RBM6: variants seen among roughly 807,000 people sequenced by gnomAD.
RBM6 encodes RNA binding motif protein 6, also known as RNA-binding protein 6.
RBM6 carries 23 observed loss-of-function variants against 140.4 expected under a neutral mutation model. The observed-to-expected ratio is 0.16, with a 90% CI of 0.12 to 0.23. RBM6 has a LOEUF of 0.23. RBM6 is among the 10% of genes least tolerant of loss of function. RBM6 has a pLI of 1.00. For missense variants in RBM6, 1,139 were observed against 1,386.7 expected, an observed-to-expected ratio of 0.82 and a Z score of 2.84; for synonymous variants, 439 against 475.6, an observed-to-expected ratio of 0.92 and a Z score of 1.00.
chr3:50,010,301 A>G (rs1275715024), intron 6 of RBM6, among the ~76,000 whole-genome samples: 1 of 152,164 alleles, frequency 6.6e-6, no homozygotes, highest in Admixed American at 6.6e-5. Flanking sequence ...AATCTTTGCA[A>G]ATGCTATTTC....
chr3:49,969,573 A>G (rs1330856342), intron 3 of RBM6, among the ~76,000 whole-genome samples: 1 of 148,796 alleles, frequency 6.7e-6, no homozygotes, highest in Non-Finnish European at 1.5e-5. Flanking sequence ...ATTTGTGTAT[A>G]TATGTGTGTG....
At chr3:50,010,914 A>AAAG (rs2086814481) in intron 6 of RBM6, among the ~76,000 whole-genome samples, 2 of 151,168 alleles carry the variant, frequency 1.3e-5, no homozygotes, top group Admixed American at 6.6e-5. Context: ...AAAAAAAAAA[A>AAAG]AAAAAAAAAA....
At chr3:50,040,786 A>G (rs1236337647) in intron 6 of RBM6, among the ~76,000 whole-genome samples, 2 of 151,740 alleles carry the variant, frequency 1.3e-5, no homozygotes, top group Non-Finnish European at 2.9e-5. Context: ...CCCCTGGAGT[A>G]GTTAGGATAA....
chr3:50,063,039 A>G (rs2090000130), intron 15 of RBM6, among the ~76,000 whole-genome samples: 1 of 151,858 alleles, frequency 6.6e-6, no homozygotes, highest in Non-Finnish European at 1.5e-5. Flanking sequence ...GACTACAGGC[A>G]TGAGCCACCA....
At chr3:50,048,140 TA>T in intron 6 of RBM6, 104 bp from the exon 7 acceptor site, 2 of 1,506,994 alleles carry the variant, frequency 1.3e-6, no homozygotes, top group Non-Finnish European at 1.8e-6. Flanking sequence ...GCTCACTCTT[TA>T]TAAAATGTTT....
chr3:50,001,382 A>G (rs1451991198), intron 6 of RBM6, among the ~76,000 whole-genome samples: 2 of 152,138 alleles, frequency 1.3e-5, no homozygotes, highest in Admixed American at 6.6e-5. Context: ...TTGAGTCTGG[A>G]TTGAGACTGC....
intron 7 of RBM6, among the ~76,000 whole-genome samples, chr3:50,051,760 G>A (rs1389061894): frequency 6.6e-6 from 1 of 152,170 alleles, no homozygotes; most frequent in African/African-American, 2.4e-5. Flanking sequence ...TAACCAAAAT[G>A]TCCATTGGCT....
At chr3:49,962,022 G>A (rs546716135) in intron 1 of RBM6, among the ~76,000 whole-genome samples, 4 of 151,946 alleles carry the variant, frequency 2.6e-5, no homozygotes, top group Non-Finnish European at 4.4e-5. Flanking sequence ...CTGGGCGGCC[G>A]GCGTGCGCCT....
At chr3:49,954,650 ATTACTGTAGC>A (rs1177937593) in intron 1 of RBM6, among the ~76,000 whole-genome samples, 1 of 151,802 alleles carries the variant, frequency 6.6e-6, no homozygotes, top group Non-Finnish European at 1.5e-5. Context: ...CACTGTCTTG[ATTACTGTAGC>A]TTTGTGGTGA....
At chr3:50,028,338 A>T (rs1559604766) in intron 6 of RBM6, among the ~76,000 whole-genome samples, 1 of 152,118 alleles carries the variant, frequency 6.6e-6, no homozygotes, top group African/African-American at 2.4e-5. Context: ...CTTTGACTTG[A>T]TTCCTGCGTA....
intron 6 of RBM6, among the ~76,000 whole-genome samples, chr3:50,025,141 T>A (rs1408411998): frequency 1.3e-5 from 2 of 151,690 alleles, no homozygotes; most frequent in African/African-American, 4.8e-5. Flanking sequence ...TTGTTATTTC[T>A]CAGCCAGGCG....
intron 1 of RBM6, among the ~76,000 whole-genome samples, chr3:49,957,249 C>G (rs2084036481): frequency 6.6e-6 from 1 of 151,958 alleles, no homozygotes; most frequent in African/African-American, 2.4e-5. Context: ...GCTGGGATTA[C>G]AGATGTTAGC....
In RBM6 at chr3:50,061,017, G is replaced by A; in HGVS notation, c.2271+19G>A. On this transcript the variant is annotated intron_variant, in intron 12 of 20. Coordinates refer to ENST00000266022, the MANE Select transcript of RBM6 (RefSeq NM_005777.3). ...CTATCAGGTAGGCTGTAACAGGTGGGGAGTGCTCTATTAAAATCCTCAGGT... is the reference window on the plus strand; with the variant it reads ...CTATCAGGTAGGCTGTAACAGGTGGAGAGTGCTCTATTAAAATCCTCAGGT... 6.3e-7 allele frequency: 1 copy of A among 1,596,458 alleles called. No individual in the cohort carries two copies. Among genetic ancestry groups the A allele is most frequent in the South Asian group, 1.1e-5 (1 of 88,090 alleles).
chr3:49,945,715 T>C (rs1298524845), intron 1 of RBM6, among the ~76,000 whole-genome samples: 2 of 151,646 alleles, frequency 1.3e-5, no homozygotes, highest in Middle Eastern at 3.4e-3. Flanking sequence ...ACCCCGTCTC[T>C]ACTAAAAATA....
Position 50,012,839 on chromosome 3 carries a change from T to A in RBM6, c.1557+13326T>A, listed in dbSNP as rs576159774. On this transcript the variant is annotated intron_variant, in intron 6 of 20. Coordinates refer to ENST00000266022, the MANE Select transcript of RBM6 (RefSeq NM_005777.3). ...CTCACCACAACCTCCCCGTCCCGGG[T>A]TCAAGCAATTCTCCTGCCTCAGCCT... 2.2e-4 allele frequency among the ~76,000 whole-genome samples: 32 copies of A among 146,032 alleles called. 1 individual carries two copies. In the South Asian group the frequency reaches 5.6e-3, roughly 26 times the overall value.
At chr3:50,032,226 T>C (rs1204391766) in intron 6 of RBM6, among the ~76,000 whole-genome samples, 3 of 152,028 alleles carry the variant, frequency 2.0e-5, no homozygotes, top group Admixed American at 6.6e-5. Flanking sequence ...CTCACACCTG[T>C]AATCCCAGCA....
chr3:50,003,451 G>A (rs921314951), intron 6 of RBM6, among the ~76,000 whole-genome samples: 1 of 152,100 alleles, frequency 6.6e-6, no homozygotes, highest in African/African-American at 2.4e-5. Flanking sequence ...CCTCTGAGAA[G>A]GTTACTCCGA....
chr3:50,021,294 T>G (rs1427410514), intron 6 of RBM6, among the ~76,000 whole-genome samples: 3 of 152,160 alleles, frequency 2.0e-5, no homozygotes, highest in Non-Finnish European at 4.4e-5. Context: ...CTTGTACAAA[T>G]GGTTTTATAA....
intron 5 of RBM6, among the ~76,000 whole-genome samples, chr3:49,988,821 G>A (rs2085684003): frequency 6.6e-6 from 1 of 151,854 alleles, no homozygotes; most frequent in Non-Finnish European, 1.5e-5. Context: ...AATAAGCTGG[G>A]TGTGGTGGCA....
Sources: allele counts gnomAD v4.1 joint callset (sites outside exome capture counted in the v4.1 genomes callset), GRCh38; gene constraint gnomAD v4.1.1; transcripts MANE v1.5; gene names NCBI Gene and HGNC (gene_info 2026-07-23, HGNC 2026-07-21).